Variants in CLIC5 observed in about 807,000 individuals in gnomAD.
CLIC5 encodes CLIC family member 5.
A neutral mutation model predicts 24.7 loss-of-function variants in CLIC5; 20 were observed. The ratio of observed to expected loss-of-function variants is 0.81; its 90% confidence interval spans 0.57 to 1.18. The LOEUF is 1.18. Ranked by LOEUF, CLIC5 falls within the 50% of genes most tolerant of loss-of-function variation. The pLI, the probability that CLIC5 is intolerant of heterozygous loss-of-function variation, is 0.00. For synonymous variants in CLIC5, 159 were observed against 135.6 expected (o/e 1.17, Z -1.20); for missense variants, 341 against 326.1 (o/e 1.05, Z -0.35).
At chr6:46,085,685 C>T in the CLIC5 span, among the ~76,000 whole-genome samples, 12 of 152,226 alleles carry the variant, frequency 7.9e-5, no homozygotes, top group Admixed American at 2.0e-4. Flanking sequence ...TCTGCCCCTA[C>T]TGGGGGGTGC....
chr6:46,003,925 T>C (rs1766448329), intron 1 of CLIC5, among the ~76,000 whole-genome samples: 1 of 152,188 alleles, frequency 6.6e-6, no homozygotes, highest in Non-Finnish European at 1.5e-5. Context: ...CAACCCATCA[T>C]GCAGCCCCTG....
chr6:45,939,392 T>G (rs1764052573), intron 4 of CLIC5, among the ~76,000 whole-genome samples: 1 of 151,920 alleles, frequency 6.6e-6, no homozygotes, highest in Admixed American at 6.6e-5. Context: ...TTTTGTATTT[T>G]TAGTGGAGAC....
the CLIC5 span, among the ~76,000 whole-genome samples, chr6:46,110,180 T>C: frequency 3.9e-5 from 6 of 152,244 alleles, no homozygotes; most frequent in Non-Finnish European, 8.8e-5. Flanking sequence ...CTGTAGATCA[T>C]ACGCCTGACC....
chr6:45,972,515 G>A (rs1765234732), intron 1 of CLIC5, among the ~76,000 whole-genome samples: 1 of 152,168 alleles, frequency 6.6e-6, no homozygotes, highest in Non-Finnish European at 1.5e-5. Context: ...TCCCAGAAAA[G>A]GCCCTAAGAG....
At chr6:45,883,180 C>T (rs1026728771) in intron 6 of CLIC5, among the ~76,000 whole-genome samples, 3 of 152,156 alleles carry the variant, frequency 2.0e-5, no homozygotes, top group Non-Finnish European at 4.4e-5. Flanking sequence ...ACGAGTTCCA[C>T]AGTGGGGGTG....
the CLIC5 span, among the ~76,000 whole-genome samples, chr6:46,092,793 G>A: frequency 6.6e-6 from 1 of 152,100 alleles, no homozygotes; most frequent in East Asian, 1.9e-4. Flanking sequence ...CTCTGTCATT[G>A]TTAATAATCA....
At chr6:46,079,740 C>T (rs1301800917) in exon 1 of CLIC5, 1 of 1,551,652 alleles carries the variant, frequency 6.4e-7, no homozygotes, top group African/African-American at 1.4e-5. Flanking sequence ...CATGTGAGCT[C>T]CCTCCTTTTC....
At chr6:46,025,194 A>G (rs907044533) in intron 1 of CLIC5, among the ~76,000 whole-genome samples, 1 of 152,186 alleles carries the variant, frequency 6.6e-6, no homozygotes, top group Non-Finnish European at 1.5e-5. Flanking sequence ...AGATAACTAT[A>G]CTTTCCCTGA....
At chr6:45,915,705 T>C (rs921376962) in intron 4 of CLIC5, among the ~76,000 whole-genome samples, 1 of 152,208 alleles carries the variant, frequency 6.6e-6, no homozygotes, top group African/African-American at 2.4e-5. Context: ...TGTCACATAA[T>C]TTATTTAGAC....
intron 1 of CLIC5, among the ~76,000 whole-genome samples, chr6:46,065,871 T>C (rs1484989213): frequency 6.6e-6 from 1 of 152,146 alleles, no homozygotes; most frequent in African/African-American, 2.4e-5. Flanking sequence ...CAAAACTCCC[T>C]CAAATGCACA....
the CLIC5 span, among the ~76,000 whole-genome samples, chr6:46,109,871 T>C: frequency 6.9e-6 from 1 of 144,360 alleles, no homozygotes; most frequent in Non-Finnish European, 1.6e-5. Context: ...TGACATAATG[T>C]AAAAGAGTCT....
chr6:46,080,318 C>T (rs890543048), exon 1 of CLIC5: 4 of 1,269,550 alleles, frequency 3.2e-6, no homozygotes, highest in Admixed American at 2.4e-5. Flanking sequence ...GAGGATGCTG[C>T]ACCACCTTGC....
At chr6:46,073,827 C>T (rs1195783989) in intron 1 of CLIC5, among the ~76,000 whole-genome samples, 1 of 152,206 alleles carries the variant, frequency 6.6e-6, no homozygotes, top group Non-Finnish European at 1.5e-5. Flanking sequence ...CTGCCTGGGA[C>T]GTCCTTTGAG....
chr6:46,071,075 T>A (rs1297955602), intron 1 of CLIC5, among the ~76,000 whole-genome samples: 4 of 152,090 alleles, frequency 2.6e-5, no homozygotes, highest in Non-Finnish European at 2.9e-5. Context: ...AAAAATCAAC[T>A]CAAGATAGAT....
intron 1 of CLIC5, among the ~76,000 whole-genome samples, chr6:45,990,011 G>A (rs1490018556): frequency 6.6e-6 from 1 of 152,170 alleles, no homozygotes; most frequent in East Asian, 1.9e-4. Flanking sequence ...CTATGCACAA[G>A]ACCCTGCTTT....
chr6:46,113,090 G>T, the CLIC5 span, among the ~76,000 whole-genome samples: 1 of 152,066 alleles, frequency 6.6e-6, no homozygotes, highest in Non-Finnish European at 1.5e-5. Flanking sequence ...GGCCAGGCCA[G>T]GTTGTTAAGG....
At chr6:46,023,847 A>G (rs1767253392) in intron 1 of CLIC5, among the ~76,000 whole-genome samples, 1 of 152,040 alleles carries the variant, frequency 6.6e-6, no homozygotes, top group African/African-American at 2.4e-5. Context: ...ATACTTTTTA[A>G]AAACCTTGGA....
chr6:45,910,546 T>G (rs1762787642), intron 5 of CLIC5, among the ~76,000 whole-genome samples: 1 of 152,218 alleles, frequency 6.6e-6, no homozygotes, highest in Non-Finnish European at 1.5e-5. Flanking sequence ...ATTAATTAAT[T>G]TAACCAATAT....
At chr6:45,995,848 A>C (rs1766115763) in intron 1 of CLIC5, among the ~76,000 whole-genome samples, 1 of 152,198 alleles carries the variant, frequency 6.6e-6, no homozygotes, top group African/African-American at 2.4e-5. Flanking sequence ...TATCCTCAGC[A>C]AGCTAACACA....
Sources: gnomAD v4.1 joint callset for allele counts (sites outside exome capture counted in the v4.1 genomes callset) on GRCh38, gnomAD v4.1.1 for gene constraint, MANE v1.5 for transcripts, NCBI Gene and HGNC (gene_info 2026-07-23, HGNC 2026-07-21) for gene names.